Variants in TRPM1 observed in about 807,000 individuals in gnomAD.
TRPM1 encodes transient receptor potential cation channel subfamily M member 1.
Under a neutral mutation model 149.4 loss-of-function variants are expected in TRPM1, and 113 were observed. The ratio of observed to expected loss-of-function variants is 0.76; its 90% confidence interval spans 0.65 to 0.88. The LOEUF (loss-of-function observed/expected upper bound fraction) is 0.88, where lower values mean the gene tolerates loss of function less well. TRPM1 is among the 40% of genes least tolerant of loss of function. TRPM1 has a pLI of 0.00. For missense variants in TRPM1, 1,976 were observed against 2,038.7 expected (o/e 0.97, Z 0.59); for synonymous variants, 741 against 759.5 (o/e 0.98, Z 0.40).
intron 1 of TRPM1, among the ~76,000 whole-genome samples, chr15:31,146,149 A>G (rs1374807894): frequency 1.3e-5 from 2 of 152,164 alleles, no homozygotes; most frequent in African/African-American, 4.8e-5. Flanking sequence ...TATCCTCTCA[A>G]AAAAGTTTTA....
intron 2 of TRPM1, 43 bp downstream of exon 2, chr15:31,081,310 G>A (rs1233526152): frequency 8.7e-6 from 10 of 1,143,140 alleles, no homozygotes; most frequent in Non-Finnish European, 1.0e-5. Context: ...CTTTCTCAGG[G>A]GGGGAGGGGG....
At chr15:31,088,805 G>GA (rs1317882555) in intron 1 of TRPM1, among the ~76,000 whole-genome samples, 1 of 151,934 alleles carries the variant, frequency 6.6e-6, no homozygotes, top group Admixed American at 6.6e-5. Context: ...TTTCTGCTGG[G>GA]GGGATGCGTC....
At chr15:31,031,412 C>A in intron 22 of TRPM1, 1 of 565,246 alleles carries the variant, frequency 1.8e-6, no homozygotes, top group Non-Finnish European at 3.2e-6. Context: ...TCTGTTGTTG[C>A]CCATAAACAC....
chr15:31,075,213 T>C (rs2140974687), intron 3 of TRPM1, among the ~76,000 whole-genome samples: 1 of 152,346 alleles, frequency 6.6e-6, no homozygotes, highest in African/African-American at 2.4e-5. Context: ...TTGTTCAAGC[T>C]TTCTATTCCC....
chr15:31,046,448 G>A (rs575102765), intron 15 of TRPM1, among the ~76,000 whole-genome samples: 49 of 152,284 alleles, frequency 3.2e-4, no homozygotes, highest in African/African-American at 1.1e-3. Context: ...CTCAGCAGAC[G>A]CGTGGCCCTT....
rs369155075 is a variant in TRPM1 at position 31,040,165 on chromosome 15, C to G, written c.2269G>C (p.Asp757His). Residue 757 changes from aspartate to histidine, a missense_variant, in exon 18 of 28, where the codon GAT (aspartate) becomes CAT (histidine). Asp to His is a moderately conservative substitution (Grantham distance 81). Around this residue, in one of 3 missense-constraint regions of TRPM1, gnomAD observed 1,332 missense variants for 1,347.1 expected, o/e 0.99. Transcript: ENST00000256552. This position sits in a 1 kb window ranked among gnomAD's most constrained non-coding sequence, Gnocchi z 4.2. ...ATCCGCAGTCTTCCCATCCACATAT[C>G]GGTCAGCAGCATCTGGCTGCAGGTG... ...AHTCSQMLLTDMWMGRLRMRK... is the reference protein window; with the variant it reads ...AHTCSQMLLTHMWMGRLRMRK... 2.5e-6 allele frequency: 4 copies of G among 1,614,230 alleles called. No individual in the cohort carries two copies. In the South Asian group the frequency reaches 4.4e-5, roughly 18 times the overall value.
chr15:31,003,932 G>T (rs183119877), intron 27 of TRPM1, among the ~76,000 whole-genome samples: 1 of 151,894 alleles, frequency 6.6e-6, no homozygotes, highest in Non-Finnish European at 1.5e-5. Flanking sequence ...AAATCCACTG[G>T]TACAGACTTT....
In TRPM1 at chr15:31,122,012, T is replaced by C. The variant is rs1054245681; in HGVS notation, c.54+38894A>G. 2.6e-5 allele frequency among the ~76,000 whole-genome samples: 4 copies of C among 152,318 alleles called. No individual in the cohort carries two copies. The East Asian group carries it at 5.8e-4, about 22-fold the overall frequency. On this transcript the variant is annotated intron_variant, in intron 1 of 26. Coordinates refer to the TRPM1 transcript ENST00000542188. The stretch of plus-strand genomic sequence containing the variant: ...ATGACCAAATTAGATTTATCCCAGA[T>C]ATGCAAGGCTGATTCAATGTCTAAA...
chr15:31,103,459 T>G (rs1204363968), upstream of TRPM1, among the ~76,000 whole-genome samples: 1 of 152,214 alleles, frequency 6.6e-6, no homozygotes, highest in Non-Finnish European at 1.5e-5. Context: ...TAGAACATGT[T>G]GGGTTGAATA....
intron 27 of TRPM1, among the ~76,000 whole-genome samples, chr15:31,008,741 G>A (rs1187766713): frequency 1.3e-5 from 2 of 152,130 alleles, no homozygotes; most frequent in Non-Finnish European, 2.9e-5. Context: ...TTGTTTTAGG[G>A]ATTACAAATA....
rs1057502041 is a variant in TRPM1, at chr15:31,060,560, A to G, written c.1247T>C (p.Phe416Ser). The G allele has an allele frequency of 1.9e-6, 3 of 1,614,232 alleles. No homozygotes were observed. The highest frequency in any genetic ancestry group is 2.5e-6 in the Non-Finnish European group (3 of 1,180,020). The change falls in exon 11 of 28, where the codon TTT (phenylalanine) becomes TCT (serine). Residue 416 changes from phenylalanine to serine, a missense_variant. Physicochemically the swap from Phe to Ser is radical, Grantham distance 155 (BLOSUM62 -2). Coordinates refer to ENST00000256552, the MANE Select transcript of TRPM1 (RefSeq NM_001252024.2). ...VDIARSQIFV[F>S]GPHWPPLGSL... ...CAGTTTCACCGGCCAGTGGGGCCCA[A>G]AGACAAAGATCTGGCTTCGTGCTAT...
chr15:31,072,538 C>A (rs1268931054), intron 3 of TRPM1, among the ~76,000 whole-genome samples: 3 of 152,120 alleles, frequency 2.0e-5, no homozygotes, highest in Non-Finnish European at 2.9e-5. Context: ...TGGGTATACA[C>A]TAGGCATGGG....
At chr15:31,048,265 GAATA>G (rs952752134) in intron 13 of TRPM1, among the ~76,000 whole-genome samples, 10 of 151,886 alleles carry the variant, frequency 6.6e-5, no homozygotes, top group Admixed American at 2.6e-4. Context: ...GTCTAAGAAT[GAATA>G]AATAAATAAA....
chr15:31,070,274 TC>T, intron 3 of TRPM1, 48 bp from the exon 4 acceptor site: 1 of 1,571,888 alleles, frequency 6.4e-7, no homozygotes, highest in South Asian at 1.1e-5. Flanking sequence ...TCTCCCCCTT[TC>T]CCCTTCATTA....
At chr15:31,079,419 A>C (rs1416132256) in intron 2 of TRPM1, among the ~76,000 whole-genome samples, 4 of 152,244 alleles carry the variant, frequency 2.6e-5, no homozygotes, top group Non-Finnish European at 5.9e-5. Flanking sequence ...AGGCTCACTC[A>C]TGTGGTTGTT....
At chr15:31,085,442 T>C (rs2034974480) in intron 1 of TRPM1, among the ~76,000 whole-genome samples, 1 of 152,196 alleles carries the variant, frequency 6.6e-6, no homozygotes, top group Non-Finnish European at 1.5e-5. Flanking sequence ...GATCACAAAA[T>C]GGAAGAAAGT....
chr15:31,056,074 A>T (rs1319836114), intron 11 of TRPM1, among the ~76,000 whole-genome samples: 1 of 152,210 alleles, frequency 6.6e-6, no homozygotes, highest in East Asian at 1.9e-4. Context: ...GAGTGCCTAA[A>T]CCTTTAAAAA....
At position 31,070,090 on chromosome 15, in the gene TRPM1, G is replaced by A. The variant is rs546531970; in HGVS notation, c.220C>T (p.Pro74Ser). The A allele has an allele frequency of 3.8e-5, 61 of 1,614,114 alleles. No homozygotes were observed. The East Asian group carries it at 1.0e-3, about 27-fold the overall frequency. ...TCAAGAACTCCATAGGAATCTGTTGGGTAGCTCTGGGTGTGCTTGGCAACA... is the reference window on the plus strand; with the variant it reads ...TCAAGAACTCCATAGGAATCTGTTGAGTAGCTCTGGGTGTGCTTGGCAACA... ...WSVAKHTQSY[P>S]TDSYGVLEFQ... Residue 74 changes from proline (P) to serine (S), a missense_variant, in exon 4 of 28, where the codon CCA (proline) becomes TCA (serine). Coordinates refer to ENST00000256552, the MANE Select transcript of TRPM1 (RefSeq NM_001252024.2).
At chr15:31,157,904 G>A (rs901287439) in intron 1 of TRPM1, among the ~76,000 whole-genome samples, 2 of 152,134 alleles carry the variant, frequency 1.3e-5, no homozygotes, top group Non-Finnish European at 2.9e-5. Flanking sequence ...GGCAGCTGGT[G>A]TGTTTCAACA....
Sources: allele counts gnomAD v4.1 joint callset (sites outside exome capture counted in the v4.1 genomes callset), GRCh38; gene constraint gnomAD v4.1.1; regional missense constraint gnomAD v4.1.1; non-coding constraint Gnocchi (gnomAD v3.1); transcripts MANE v1.5; gene names NCBI Gene and HGNC (gene_info 2026-07-23, HGNC 2026-07-21).